The following CHCHD6 variants were observed in gnomAD, a reference collection of about 807,000 sequenced individuals.
CHCHD6 encodes the protein coiled-coil-helix-coiled-coil-helix domain containing 6.
CHCHD6 carries 28 observed loss-of-function variants against 32.3 expected under a neutral mutation model. That is an observed-to-expected ratio of 0.87 (90% CI 0.64 to 1.19). The LOEUF is 1.19. CHCHD6 is among the 50% of genes most tolerant of loss of function. The pLI, the probability that CHCHD6 is intolerant of heterozygous loss-of-function variation, is 0.00. For synonymous variants in CHCHD6, 122 were observed against 117.5 expected, an observed-to-expected ratio of 1.04 and a Z score of -0.25; for missense variants, 333 against 307.0, an observed-to-expected ratio of 1.08 and a Z score of -0.63.
At position 126,803,613 on chromosome 3, in the gene CHCHD6, A is replaced by G. The variant is rs895829653; in HGVS notation, c.412-49034A>G. On this transcript the variant is annotated intron_variant, in intron 4 of 7. Coordinates refer to ENST00000290913, the MANE Select transcript of CHCHD6 (RefSeq NM_032343.3). ...AGACTTAGACTCCCACACAATAATA[A>G]TGGGAGACTTTAACACCCCACTGTC... Among the ~76,000 whole-genome samples the G allele has an allele frequency of 6.6e-5, 10 of 152,170 alleles. No homozygotes were observed. The East Asian group carries it at 1.9e-3, about 29-fold the overall frequency.
chr3:126,840,628 G>C (rs931836174), intron 4 of CHCHD6, among the ~76,000 whole-genome samples: 1 of 151,912 alleles, frequency 6.6e-6, no homozygotes, highest in Non-Finnish European at 1.5e-5. Context: ...TTAAAAATCT[G>C]TTATCTAATA....
At chr3:126,770,917 T>C (rs72978831) in intron 4 of CHCHD6, among the ~76,000 whole-genome samples, 4,189 of 152,326 alleles carry the variant, frequency 0.028, 129 homozygotes, top group East Asian at 0.14. Flanking sequence ...AACTATTCTT[T>C]ATAAATCTGG....
chr3:126,836,366 C>G (rs1361088852), intron 4 of CHCHD6, among the ~76,000 whole-genome samples: 1 of 152,210 alleles, frequency 6.6e-6, no homozygotes, highest in Non-Finnish European at 1.5e-5. Context: ...TCCTGTCATG[C>G]AGCTCTCAGC....
chr3:126,726,942 G>A, intron 1 of CHCHD6, 136 bp from the exon 2 acceptor site: 1 of 648,702 alleles, frequency 1.5e-6, no homozygotes, highest in South Asian at 1.9e-5. Flanking sequence ...AGGAGTTTTA[G>A]TAGAATTGCT....
chr3:126,845,524 G>A (rs1322536120), intron 4 of CHCHD6, among the ~76,000 whole-genome samples: 1 of 152,014 alleles, frequency 6.6e-6, no homozygotes, highest in Non-Finnish European at 1.5e-5. Context: ...AGAATTCTTG[G>A]CCATATATTT....
intron 5 of CHCHD6, among the ~76,000 whole-genome samples, chr3:126,878,790 G>A (rs1056752822): frequency 6.6e-6 from 1 of 152,206 alleles, no homozygotes; most frequent in Non-Finnish European, 1.5e-5. Context: ...AGCAGGGAAG[G>A]GATATGGTTG....
chr3:126,782,270 C>G (rs1175708076), intron 4 of CHCHD6, among the ~76,000 whole-genome samples: 1 of 152,188 alleles, frequency 6.6e-6, no homozygotes, highest in Non-Finnish European at 1.5e-5. Flanking sequence ...GTGCTCTGTT[C>G]TTACTCTTGC....
chr3:126,767,494 C>T, intron 4 of CHCHD6: 1 of 563,456 alleles, frequency 1.8e-6, no homozygotes, highest in Non-Finnish European at 3.3e-6. Flanking sequence ...CCTCCCATGC[C>T]TGTTAGGTGC....
At chr3:126,906,646 GT>G (rs2078011756) in intron 5 of CHCHD6, among the ~76,000 whole-genome samples, 1 of 152,214 alleles carries the variant, frequency 6.6e-6, no homozygotes, top group Non-Finnish European at 1.5e-5. Context: ...TCCCTAGCCA[GT>G]CATTTACAAC....
At chr3:126,778,522 G>T (rs1455132151) in intron 4 of CHCHD6, among the ~76,000 whole-genome samples, 1 of 152,128 alleles carries the variant, frequency 6.6e-6, no homozygotes, top group African/African-American at 2.4e-5. Flanking sequence ...TAATGATGTT[G>T]AATATCTTTT....
intron 4 of CHCHD6, among the ~76,000 whole-genome samples, chr3:126,755,655 C>T (rs1229858368): frequency 6.6e-6 from 1 of 152,108 alleles, no homozygotes; most frequent in Non-Finnish European, 1.5e-5. Context: ...AAAAATAGAA[C>T]ATTCTATTAG....
At chr3:126,851,963 G>A (rs571935465) in intron 4 of CHCHD6, among the ~76,000 whole-genome samples, 1 of 152,324 alleles carries the variant, frequency 6.6e-6, no homozygotes, top group South Asian at 2.1e-4. Context: ...CTGGTGAGCT[G>A]AGCCCTCAGC....
At chr3:126,916,148 C>G (rs1035750573) in intron 6 of CHCHD6, among the ~76,000 whole-genome samples, 1 of 152,064 alleles carries the variant, frequency 6.6e-6, no homozygotes, top group African/African-American at 2.4e-5. Context: ...CACCTGTAAT[C>G]CCAGCACTTT....
At chr3:126,857,458 C>G (rs1941699186) in intron 5 of CHCHD6, among the ~76,000 whole-genome samples, 1 of 152,186 alleles carries the variant, frequency 6.6e-6, no homozygotes, top group Non-Finnish European at 1.5e-5. Flanking sequence ...GCAGTCAGCC[C>G]TTTCCCCCAT....
At chr3:126,944,009 A>G (rs546787627) in intron 6 of CHCHD6, among the ~76,000 whole-genome samples, 37 of 152,384 alleles carry the variant, frequency 2.4e-4, no homozygotes, top group African/African-American at 8.9e-4. Context: ...CATAGGAGAA[A>G]AAGATGTCCT....
At chr3:126,720,617 A>G (rs1402864492) in intron 1 of CHCHD6, among the ~76,000 whole-genome samples, 1 of 152,216 alleles carries the variant, frequency 6.6e-6, no homozygotes, top group Non-Finnish European at 1.5e-5. Context: ...ATGAGCTCTT[A>G]GCCAGTTTCA....
chr3:126,824,253 T>C (rs1940281377), intron 4 of CHCHD6, among the ~76,000 whole-genome samples: 1 of 151,648 alleles, frequency 6.6e-6, no homozygotes, highest in Non-Finnish European at 1.5e-5. Flanking sequence ...CAAATGCTGG[T>C]TCTTAAATCT....
intron 5 of CHCHD6, among the ~76,000 whole-genome samples, chr3:126,882,620 C>G (rs1029771051): frequency 1.3e-5 from 2 of 152,118 alleles, no homozygotes; most frequent in African/African-American, 4.8e-5. Flanking sequence ...CAGAAATTAC[C>G]TTTTTTACTC....
At chr3:126,857,115 A>G (rs1941689163) in intron 5 of CHCHD6, among the ~76,000 whole-genome samples, 1 of 152,164 alleles carries the variant, frequency 6.6e-6, no homozygotes, top group Non-Finnish European at 1.5e-5. Context: ...TGCCAGGTGC[A>G]GAGATGGCTC....
Sources: allele counts gnomAD v4.1 joint callset (sites outside exome capture counted in the v4.1 genomes callset), GRCh38; gene constraint gnomAD v4.1.1; transcripts MANE v1.5; gene names NCBI Gene and HGNC (gene_info 2026-07-23, HGNC 2026-07-21).